CFAP100: variants seen among roughly 807,000 people sequenced by gnomAD.
CFAP100 encodes cilia- and flagella-associated protein 100.
In CFAP100, 70 loss-of-function variants were observed where a neutral mutation model predicts 81.5. The ratio of observed to expected loss-of-function variants is 0.86; its 90% CI spans 0.71 to 1.05. The LOEUF is 1.05. Among genes scored for constraint, CFAP100 ranks in the 50% least tolerant of loss-of-function variants. The probability of loss-of-function intolerance (pLI) is 0.00; values close to 1 mark genes in which losing one functional copy is unlikely to be tolerated. For synonymous variants in CFAP100, 341 were observed against 314.8 expected (o/e 1.08, Z -0.88); for missense variants, 811 against 776.5 (o/e 1.04, Z -0.53).
intron 16 of CFAP100, 58 bp from the exon 17 acceptor site, chr3:126,436,233 G>C: frequency 1.5e-6 from 2 of 1,358,216 alleles, no homozygotes; most frequent in Non-Finnish European, 2.1e-6. Context: ...AGGGGCAGGG[G>C]TATATGGGCA....
chr3:126,400,260 G>A (rs574747164), intron 2 of CFAP100, among the ~76,000 whole-genome samples: 83 of 152,246 alleles, frequency 5.5e-4, no homozygotes, highest in Non-Finnish European at 1.1e-3. Context: ...TGATCTACAA[G>A]CAGGAGAAAA....
Position 126,407,240 on chromosome 3 carries a change from AG to A in CFAP100, c.119del (p.Arg40LysfsTer50). On this transcript the variant is annotated frameshift_variant, in exon 3 of 17. Coordinates refer to ENST00000352312, the MANE Select transcript of CFAP100 (RefSeq NM_182628.3). LOFTEE classifies it high-confidence loss of function. ...TGAAGAGAACCCAAAGAAACAGGCA[AG>A]AAAAAACGAAGGTAACCTTCAAGCT... ...STEENPKKQA[R>X]KNEEHGPDPS... The A allele has an allele frequency of 6.2e-7, 1 of 1,613,552 alleles. No individual in the cohort carries two copies.
rs867170949 is a variant in CFAP100, at chr3:126,413,977, C to G, written c.131-108C>G. ...TGGATCCAGGGGGAACCTTCCCACTCACTCATGCTTTTCCATGCTGGGCTG... is the reference window on the plus strand; with the variant it reads ...TGGATCCAGGGGGAACCTTCCCACTGACTCATGCTTTTCCATGCTGGGCTG... On this transcript the variant is annotated intron_variant, in intron 3 of 16. Coordinates refer to ENST00000352312, the MANE Select transcript of CFAP100 (RefSeq NM_182628.3). The G allele has an allele frequency of 1.3e-5, 10 of 768,026 alleles. No individual in the cohort carries two copies. The African/African-American group carries it at 1.7e-4, about 13-fold the overall frequency. 47.6% of individuals were successfully genotyped at this position (768,026 alleles called of 1,614,324 possible).
chr3:126,397,259 C>A (rs1279657466), intron 2 of CFAP100, among the ~76,000 whole-genome samples: 1 of 152,170 alleles, frequency 6.6e-6, no homozygotes, highest in Non-Finnish European at 1.5e-5. Flanking sequence ...ATTCTCTGTT[C>A]ATATGGGTGA....
At chr3:126,418,546 A>G (rs2083277477) in intron 6 of CFAP100, 21 bp downstream of exon 6, 2 of 1,613,794 alleles carry the variant, frequency 1.2e-6, no homozygotes, top group African/African-American at 1.3e-5. Context: ...TGGCCCCCAG[A>G]GCGATGGATG....
intron 13 of CFAP100, among the ~76,000 whole-genome samples, chr3:126,426,977 G>A (rs67365616): frequency 0.082 from 12,539 of 152,206 alleles, 589 homozygotes; most frequent in African/African-American, 0.11. Flanking sequence ...AGATCTATAT[G>A]AGGAAAGCTG....
In CFAP100 at chr3:126,423,360, C is replaced by G. The variant is rs1560077160; in HGVS notation, c.1118C>G (p.Thr373Ser). 1.2e-6 allele frequency: 2 copies of G among 1,613,746 alleles called. No individual in the cohort carries two copies. Among genetic ancestry groups the G allele is most frequent in the Non-Finnish European group, 1.7e-6 (2 of 1,179,852 alleles). The change falls in exon 12 of 17, where the codon ACC (threonine) becomes AGC (serine). Residue 373 changes from threonine (T) to serine (S), a missense_variant. By Grantham distance (58) the Thr-to-Ser change is moderately conservative. Transcript: ENST00000352312. ...NSPIPPTQED[T>S]DSDGEEPQLY... Reference sequence around the variant, plus strand: ...CCCATCCCCCCCACGCAGGAGGACACCGACAGCGATGGGGAGGTGAATGGC... The same window carrying G: ...CCCATCCCCCCCACGCAGGAGGACAGCGACAGCGATGGGGAGGTGAATGGC...
chr3:126,432,282 CAAAAAA>C (rs58421889), intron 13 of CFAP100, among the ~76,000 whole-genome samples: 8 of 76,740 alleles, frequency 1.0e-4, no homozygotes, highest in South Asian at 4.9e-4. Flanking sequence ...GACTCCGTCT[CAAAAAA>C]AAAAAAAAAA....
chr3:126,416,462 G>C lies in CFAP100; in HGVS notation c.372G>C (p.Gln124His), dbSNP rs747557383. 1.9e-6 allele frequency: 3 copies of C among 1,609,100 alleles called. No individual in the cohort carries two copies. The East Asian group carries it at 6.7e-5, about 36-fold the overall frequency. Residue 124 changes from glutamine (Q) to histidine (H), a missense_variant, in exon 5 of 17, where the codon CAG becomes CAC. By Grantham distance (24) the Gln-to-His change is conservative (BLOSUM62 0). Coordinates refer to ENST00000352312, the MANE Select transcript of CFAP100 (RefSeq NM_182628.3). Reference protein sequence around the residue: ...DLEARAEAEHQRAFRDYTTWK... With the variant: ...DLEARAEAEHHRAFRDYTTWK... The stretch of plus-strand genomic sequence containing the variant: ...AGGCGCGCGCCGAGGCCGAGCATCA[G>C]CGCGCCTTCCGCGACTACACGACCT...
chr3:126,401,675 A>C (rs1375904960), intron 2 of CFAP100, among the ~76,000 whole-genome samples: 2 of 142,132 alleles, frequency 1.4e-5, no homozygotes, highest in Admixed American at 1.4e-4. Flanking sequence ...GTCTCGGGAG[A>C]GGGAGCAGCA....
rs1186116243 is a variant in CFAP100 at position 126,423,603 on chromosome 3, G to A, written c.1245G>A (p.Leu415=). 6.8e-6 allele frequency: 11 copies of A among 1,614,090 alleles called. No homozygotes were observed. The highest frequency in any genetic ancestry group is 1.3e-5 in the African/African-American group (1 of 74,934). The part of the protein sequence containing the change: ...IQNSQETEKT[L]EELSHTLKHT... ...ACAGCCAGGAGACGGAGAAGACCCTGGAGGAGCTGAGCCACACCCTGAAAC... is the reference window on the plus strand; with the variant it reads ...ACAGCCAGGAGACGGAGAAGACCCTAGAGGAGCTGAGCCACACCCTGAAAC... Residue 415 remains leucine (L), a synonymous_variant, in exon 13 of 17, where the codon CTG becomes CTA. Transcript: ENST00000352312.
Position 126,420,152 on chromosome 3 carries a change from G to A in CFAP100, c.1005G>A (p.Leu335=), listed in dbSNP as rs755583014. ...GGAGGTTTCTGCAGACGATGCGGCT[G>A]GGGCGGAGCCCGTCTTACCTGAGCA... ...KPWRFLQTMR[L]GRSPSYLSSP... is the part of the protein sequence containing the mutation. The change falls in exon 11 of 17, where the codon CTG becomes CTA. Residue 335 remains leucine (L), a synonymous_variant. Coordinates refer to ENST00000352312, the MANE Select transcript of CFAP100 (RefSeq NM_182628.3). The A allele has an allele frequency of 4.3e-6, 7 of 1,612,852 alleles. No individual in the cohort carries two copies.
chr3:126,397,054 T>C (rs1389282912), intron 2 of CFAP100, among the ~76,000 whole-genome samples: 2 of 152,224 alleles, frequency 1.3e-5, no homozygotes, highest in Non-Finnish European at 2.9e-5. Context: ...CAGGCAAATG[T>C]GTGTAGATGA....
At chr3:126,416,067 G>A (rs1053216591) in intron 4 of CFAP100, among the ~76,000 whole-genome samples, 4 of 152,182 alleles carry the variant, frequency 2.6e-5, no homozygotes, top group Admixed American at 6.5e-5. Flanking sequence ...CCCCCTCTGT[G>A]GGTCTGGAGT....
intron 16 of CFAP100, among the ~76,000 whole-genome samples, 178 bp downstream of exon 16, chr3:126,435,830 C>T (rs1157761550): frequency 6.6e-6 from 1 of 152,174 alleles, no homozygotes; most frequent in African/African-American, 2.4e-5. Flanking sequence ...CTGCAGGGGG[C>T]TCTTCCCCAG....
intron 3 of CFAP100, among the ~76,000 whole-genome samples, chr3:126,412,595 A>T (rs1291115058): frequency 1.3e-5 from 2 of 152,122 alleles, no homozygotes; most frequent in African/African-American, 4.8e-5. Flanking sequence ...CTGTTAATGG[A>T]AGGTATTACA....
At chr3:126,433,036 G>C (rs769239582) in intron 13 of CFAP100, 33 bp from the exon 14 acceptor site, 6 of 1,612,738 alleles carry the variant, frequency 3.7e-6, no homozygotes, top group Non-Finnish European at 5.1e-6. Flanking sequence ...TGTGCTGAGT[G>C]ACTGATGCCC....
intron 8 of CFAP100, 78 bp from the exon 9 acceptor site, chr3:126,419,559 G>T (rs1285727049): frequency 7.5e-7 from 1 of 1,340,650 alleles, no homozygotes; most frequent in East Asian, 2.3e-5. Context: ...AGGATGGAGG[G>T]GTGGCCCCGG....
At chr3:126,426,765 A>G (rs79343084) in intron 13 of CFAP100, among the ~76,000 whole-genome samples, 3,034 of 152,314 alleles carry the variant, frequency 0.02, 77 homozygotes, top group South Asian at 0.13. Context: ...TAAATAAATA[A>G]TAAAAATTAA....
Sources: gnomAD v4.1 joint callset for allele counts (sites outside exome capture counted in the v4.1 genomes callset) on GRCh38, gnomAD v4.1.1 for gene constraint, MANE v1.5 for transcripts, NCBI Gene and HGNC (gene_info 2026-07-23, HGNC 2026-07-21) for gene names.